The following TIAM1 variants were observed in gnomAD, a reference collection of about 807,000 sequenced individuals.
TIAM1 encodes TIAM Rac1 associated GEF 1, also known as rho guanine nucleotide exchange factor TIAM1.
In TIAM1, 65 loss-of-function variants were observed where a neutral mutation model predicts 163.5. The ratio of observed to expected loss-of-function variants is 0.40; its 90% CI spans 0.33 to 0.49. TIAM1 has a LOEUF of 0.49. Ranked by LOEUF, TIAM1 falls within the 20% of genes least tolerant of loss-of-function variation. The pLI is 0.77. For missense variants in TIAM1, 1,789 were observed against 2,044.7 expected (o/e 0.87, Z 2.41); for synonymous variants, 833 against 810.1 (o/e 1.03, Z -0.48).
chr21:31,190,123 G>T (rs534557242), intron 13 of TIAM1, among the ~76,000 whole-genome samples: 2 of 152,310 alleles, frequency 1.3e-5, no homozygotes, highest in South Asian at 4.1e-4. Context: ...ATGAAACTAA[G>T]GTCGGGCGTG....
intron 1 of TIAM1, among the ~76,000 whole-genome samples, chr21:31,500,888 CTA>C (rs2046825485): frequency 6.6e-6 from 1 of 152,202 alleles, no homozygotes; most frequent in African/African-American, 2.4e-5. Flanking sequence ...CCAGTTTGTG[CTA>C]TGTTATAACG....
chr21:31,367,046 G>A (rs1225240022), intron 2 of TIAM1, among the ~76,000 whole-genome samples: 1 of 151,746 alleles, frequency 6.6e-6, no homozygotes, highest in Non-Finnish European at 1.5e-5. Context: ...ATTTGGATGG[G>A]TCCCAGAAAA....
intron 2 of TIAM1, among the ~76,000 whole-genome samples, chr21:31,450,337 T>C (rs2044781075): frequency 6.6e-6 from 1 of 152,168 alleles, no homozygotes; most frequent in African/African-American, 2.4e-5. Context: ...TCCTTGACTT[T>C]CTGCAAGAAG....
At chr21:31,311,384 T>C (rs2074924929) in intron 2 of TIAM1, among the ~76,000 whole-genome samples, 1 of 152,152 alleles carries the variant, frequency 6.6e-6, no homozygotes, top group Non-Finnish European at 1.5e-5. Context: ...AACATTTAAG[T>C]CAAATCATTT....
chr21:31,379,961 T>G (rs1472593698), intron 2 of TIAM1, among the ~76,000 whole-genome samples: 1 of 152,170 alleles, frequency 6.6e-6, no homozygotes, highest in Non-Finnish European at 1.5e-5. Flanking sequence ...ACTTTATAAA[T>G]GTACTAAAAT....
rs532767380 is a variant in TIAM1 at position 31,499,396 on chromosome 21, T to TA, written c.-421-35362dup. 1.5e-3 allele frequency among the ~76,000 whole-genome samples: 226 copies of TA among 150,366 alleles called. 2 individuals carry two copies. Among genetic ancestry groups the TA allele is most frequent in the African/African-American group, 5.2e-3 (211 of 40,810 alleles). On this transcript the variant is annotated intron_variant, in intron 1 of 28. Coordinates refer to the TIAM1 transcript ENST00000286827. The stretch of plus-strand genomic sequence containing the variant: ...GCAACACGGTGAAATCGCATCTCTA[T>TA]AAAAAATACCAAAAATTAGCCAGGC...
In TIAM1 at chr21:31,456,969, T is replaced by C. The variant is rs192723582; in HGVS notation, c.-369+7014A>G. Reference sequence around the variant, plus strand: ...CCAACATTGCACTTGGTTGATTTGATTCTTCCACAGATTCCTTCTATTTCT... The same window carrying C: ...CCAACATTGCACTTGGTTGATTTGACTCTTCCACAGATTCCTTCTATTTCT... On this transcript the variant is annotated intron_variant, in intron 2 of 28. Transcript: ENST00000286827. 7.7e-4 allele frequency among the ~76,000 whole-genome samples: 117 copies of C among 152,326 alleles called. 2 individuals are homozygous for C. The highest frequency in any genetic ancestry group is 9.8e-4 in the Admixed American group (15 of 15,298).
chr21:31,509,926 T>G (rs1281945124), intron 1 of TIAM1, among the ~76,000 whole-genome samples: 1 of 151,922 alleles, frequency 6.6e-6, no homozygotes, highest in African/African-American at 2.4e-5. Context: ...CAGGCAGAGG[T>G]ACTAGTGCCC....
intron 2 of TIAM1, among the ~76,000 whole-genome samples, chr21:31,379,125 C>T (rs984597721): frequency 6.6e-6 from 1 of 152,202 alleles, no homozygotes; most frequent in African/African-American, 2.4e-5. Flanking sequence ...GCACCCGCCA[C>T]CACACCCGGC....
intron 2 of TIAM1, among the ~76,000 whole-genome samples, chr21:31,307,991 G>A (rs1040845147): frequency 2.6e-5 from 4 of 152,306 alleles, no homozygotes; most frequent in African/African-American, 9.6e-5. Flanking sequence ...CTAGCATTTT[G>A]GGAGGCCAAG....
intron 2 of TIAM1, among the ~76,000 whole-genome samples, chr21:31,298,930 A>G (rs1295783299): frequency 1.3e-5 from 2 of 152,176 alleles, no homozygotes; most frequent in Non-Finnish European, 2.9e-5. Flanking sequence ...CAGAGAAAGA[A>G]GCAAATATAT....
intron 2 of TIAM1, among the ~76,000 whole-genome samples, chr21:31,296,888 T>A (rs2300350): frequency 6.6e-6 from 1 of 151,906 alleles, no homozygotes; most frequent in African/African-American, 2.4e-5. Context: ...TGGTCTTGAT[T>A]TCCTGACCTC....
chr21:31,485,815 G>A (rs114562921), intron 1 of TIAM1, among the ~76,000 whole-genome samples: 86 of 152,224 alleles, frequency 5.6e-4, no homozygotes, highest in Middle Eastern at 3.4e-3. Flanking sequence ...CTAAAGCTTC[G>A]CACCTACCTG....
chr21:31,352,680 C>T (rs538017337), intron 2 of TIAM1, among the ~76,000 whole-genome samples: 145 of 151,600 alleles, frequency 9.6e-4, no homozygotes, highest in African/African-American at 3.4e-3. Flanking sequence ...AATGAAACCT[C>T]ATCTCTACTT....
chr21:31,147,893 A>C (rs779639793), intron 19 of TIAM1, among the ~76,000 whole-genome samples: 12 of 145,416 alleles, frequency 8.3e-5, no homozygotes, highest in Non-Finnish European at 1.3e-4. Flanking sequence ...TAGAATTAAA[A>C]GGCAGGGTTC....
At chr21:31,407,629 A>ATTTTTTTTTTT (rs562921160) in intron 2 of TIAM1, among the ~76,000 whole-genome samples, 12 of 94,074 alleles carry the variant, frequency 1.3e-4, no homozygotes, top group East Asian at 3.1e-4. Flanking sequence ...TTTGCTCTTA[A>ATTTTTTTTTTT]TTTTTTTTTT....
intron 2 of TIAM1, among the ~76,000 whole-genome samples, chr21:31,389,652 C>T (rs1416084855): frequency 1.3e-5 from 2 of 152,234 alleles, no homozygotes; most frequent in African/African-American, 2.4e-5. Context: ...TTTGAACAGA[C>T]TGGTCGGCTA....
Position 31,182,592 on chromosome 21 carries a change from G to GCCCT in TIAM1, c.2715_2716insAGGG (p.Leu906ArgfsTer71). On this transcript the variant is annotated frameshift_variant, in exon 15 of 28. Transcript: ENST00000541036. LOFTEE classifies it high-confidence loss of function. ...AAATCTTTGAGCATAGAAGAGTTCA[G>GCCCT]GGCGTCAGCAGCACGATTATTGATC... 1 of 1,613,960 alleles carries GCCCT rather than the reference G, an allele frequency of 6.2e-7. No homozygotes were observed. The highest frequency in any genetic ancestry group is 8.5e-7 in the Non-Finnish European group (1 of 1,179,924).
chr21:31,160,589 GA>G (rs2083865380), intron 16 of TIAM1: 1 of 398,582 alleles, frequency 2.5e-6, no homozygotes, highest in East Asian at 3.6e-5. Context: ...TCAGCACGGA[GA>G]CAGAAGTTTC....
Sources: allele counts gnomAD v4.1 joint callset (sites outside exome capture counted in the v4.1 genomes callset), GRCh38; gene constraint gnomAD v4.1.1; transcripts MANE v1.5; gene names NCBI Gene and HGNC (gene_info 2026-07-23, HGNC 2026-07-21).